Variants in PITRM1 observed in about 807,000 individuals in gnomAD.
PITRM1 encodes pitrilysin metallopeptidase 1, also known as presequence protease, mitochondrial.
In PITRM1, 100 loss-of-function variants were observed where a neutral mutation model predicts 129.9. The ratio of observed to expected loss-of-function variants is 0.77; its 90% CI spans 0.65 to 0.91. The LOEUF (loss-of-function observed/expected upper bound fraction) is 0.91, where lower values mean the gene tolerates loss of function less well. PITRM1 is among the 40% of genes least tolerant of loss of function. The pLI is 0.00. For missense variants in PITRM1, 1,471 were observed against 1,318.3 expected, an observed-to-expected ratio of 1.12 and a Z score of -1.79; for synonymous variants, 591 against 508.8, an observed-to-expected ratio of 1.16 and a Z score of -2.17.
intron 10 of PITRM1, among the ~76,000 whole-genome samples, chr10:3,158,429 A>G (rs9423706): frequency 0.11 from 17,200 of 152,236 alleles, 1,062 homozygotes; most frequent in Middle Eastern, 0.15. Context: ...AAATTCCTGT[A>G]GTCCCAGCTA....
intron 9 of PITRM1, among the ~76,000 whole-genome samples, chr10:3,159,469 T>A (rs1350166421): frequency 6.6e-6 from 1 of 152,228 alleles, no homozygotes; most frequent in African/African-American, 2.4e-5. Context: ...CCACCGGAAT[T>A]ACAAAGTTTT....
In PITRM1 at chr10:3,147,750, G is replaced by A. The variant is rs1420822672; in HGVS notation, c.2070-13C>T. Reference sequence around the variant, plus strand: ...TTCAAAGCACGGGCTATGGAAAAAGGAGAAGAAAAAATTCCTGGAGACCCA... The same window carrying A: ...TTCAAAGCACGGGCTATGGAAAAAGAAGAAGAAAAAATTCCTGGAGACCCA... On this transcript the variant is annotated splice_polypyrimidine_tract_variant and intron_variant, in intron 18 of 26. Transcript: ENST00000224949. 1.3e-6 allele frequency: 2 copies of A among 1,561,128 alleles called. No homozygotes were observed. Among genetic ancestry groups the A allele is most frequent in the Admixed American group, 2.1e-5 (1 of 48,092 alleles).
Position 3,149,713 on chromosome 10 carries a change from A to G in PITRM1, c.1779T>C (p.Asn593=), listed in dbSNP as rs1400860338. 6.2e-7 allele frequency: 1 copy of G among 1,612,190 alleles called. No individual in the cohort carries two copies. The highest frequency in any genetic ancestry group is 1.1e-5 in the South Asian group (1 of 90,542). ...IPVQYCAQPT[N]GMVYFRAFSS... ...AGAAGGCCCGGAAATACACCATGCC[A>G]TTGGTGGGCTGGGCGCAGTACTGAA... The change falls in exon 16 of 27, where the codon AAT becomes AAC. Residue 593 remains asparagine (N), a synonymous_variant. Transcript: ENST00000224949.
chr10:3,158,121 C>G lies in PITRM1; in HGVS notation c.1169G>C (p.Ser390Thr). 6.2e-7 allele frequency: 1 copy of G among 1,607,520 alleles called. No individual in the cohort carries two copies. Among genetic ancestry groups the G allele is most frequent in the Non-Finnish European group, 8.5e-7 (1 of 1,175,172 alleles). ...CTCCGCAATCCCTTGGAGGCCGACA[C>G]TAAAGTAGGCCTCCCTCGTGTAGCC... The part of the protein sequence containing the change: ...YNGYTREAYF[S>T]VGLQGIAEKD... Residue 390 changes from serine (S) to threonine (T), a missense_variant, in exon 11 of 27, where the codon AGT becomes ACT. Coordinates refer to ENST00000224949, the MANE Select transcript of PITRM1 (RefSeq NM_014889.4).
Position 3,155,695 on chromosome 10 carries a change from G to A in PITRM1, c.1517C>T (p.Pro506Leu). 6.2e-7 allele frequency: 1 copy of A among 1,613,846 alleles called. No individual in the cohort carries two copies. Residue 506 changes from proline (P) to leucine (L), a missense_variant, in exon 14 of 27, where the codon CCA (proline) becomes CTA (leucine). Transcript: ENST00000224949. The part of the protein sequence containing the change: ...NQHKLTLSMR[P>L]DDKYHEKQAQ... ...CTGCTTCTCGTGATACTTGTCATCT[G>A]GCCTCATCGATAAAGTCAGCTTATG...
intron 25 of PITRM1, 85 bp from the exon 26 acceptor site, chr10:3,138,422 AG>A: frequency 1.2e-6 from 1 of 867,418 alleles, no homozygotes; most frequent in Non-Finnish European, 1.9e-6. Context: ...GAGGGGACAC[AG>A]GCATCTCACT....
intron 22 of PITRM1, chr10:3,144,082 G>A: frequency 1.7e-6 from 1 of 594,388 alleles, no homozygotes; most frequent in Non-Finnish European, 3.0e-6. Context: ...GGCACAGGAG[G>A]ACACACCCCC....
At chr10:3,157,357 T>C (rs1842058639) in intron 12 of PITRM1, 78 bp downstream of exon 12, 1 of 833,120 alleles carries the variant, frequency 1.2e-6, no homozygotes, top group African/African-American at 1.7e-5. Context: ...CATAAAAATA[T>C]CAAAAAGCCA....
intron 6 of PITRM1, chr10:3,164,143 A>G: frequency 4.5e-6 from 1 of 222,626 alleles, no homozygotes; most frequent in Non-Finnish European, 8.8e-6. Flanking sequence ...GTGGTGCAAC[A>G]AACGCATAGC....
chr10:3,160,686 C>T (rs1433158509), intron 7 of PITRM1, among the ~76,000 whole-genome samples: 2 of 152,132 alleles, frequency 1.3e-5, no homozygotes, highest in Non-Finnish European at 2.9e-5. Context: ...TCACTGCAGC[C>T]TCAAGCAATC....
At position 3,137,871 on chromosome 10, in the gene PITRM1, ACT is replaced by A; in HGVS notation, c.*158_*159del. 1 of 592,420 alleles carries A rather than the reference ACT, an allele frequency of 1.7e-6. No homozygotes were observed. Among genetic ancestry groups the A allele is most frequent in the Non-Finnish European group, 3.0e-6 (1 of 332,290 alleles). The allele number at this position is 592,420 out of a possible 1,614,324, so 36.7% of individuals were successfully genotyped here. ...TATTTCAATGAACCTCTTCCTGGTC[ACT>A]CTTAAGATAGATCTGAGTTTTTGAC... On this transcript the variant is annotated 3_prime_UTR_variant, in exon 27 of 27. Coordinates refer to ENST00000224949, the MANE Select transcript of PITRM1 (RefSeq NM_014889.4).
intron 23 of PITRM1, among the ~76,000 whole-genome samples, chr10:3,142,675 T>A (rs2131821732): frequency 6.6e-6 from 1 of 152,310 alleles, no homozygotes; most frequent in South Asian, 2.1e-4. Context: ...CACGCCACTT[T>A]GGGAACAGGC....
intron 14 of PITRM1, 66 bp downstream of exon 14, chr10:3,155,524 TC>T: frequency 6.3e-7 from 1 of 1,589,398 alleles, no homozygotes; most frequent in South Asian, 1.1e-5. Flanking sequence ...AACTACTAAC[TC>T]ACTAACAAGT....
At chr10:3,150,959 G>A (rs1173626256) in intron 15 of PITRM1, among the ~76,000 whole-genome samples, 2 of 151,962 alleles carry the variant, frequency 1.3e-5, no homozygotes, top group Non-Finnish European at 2.9e-5. Flanking sequence ...CAGTCACAGC[G>A]TAACCCAAAT....
Position 3,147,732 on chromosome 10 carries a change from C to T in PITRM1, c.2075G>A (p.Cys692Tyr), listed in dbSNP as rs554941574. The change falls in exon 19 of 27, where the codon TGC becomes TAC. Residue 692 changes from cysteine (C) to tyrosine (Y), a missense_variant. By Grantham distance (194) the Cys-to-Tyr change is radical (BLOSUM62 -2). Coordinates refer to ENST00000224949, the MANE Select transcript of PITRM1 (RefSeq NM_014889.4). Reference protein sequence around the residue: ...QLWSEIFNNPCFEEEEHFKVL... With the variant: ...QLWSEIFNNPYFEEEEHFKVL... The stretch of plus-strand genomic sequence containing the variant: ...CTTGAAGTGCTCCTCTTCTTCAAAG[C>T]ACGGGCTATGGAAAAAGGAGAAGAA... 100 of 1,587,380 alleles carry T rather than the reference C, an allele frequency of 6.3e-5. 1 individual carries two copies. Among genetic ancestry groups the T allele is most frequent in the Non-Finnish European group, 8.1e-5 (95 of 1,169,720 alleles).
intron 24 of PITRM1, 43 bp downstream of exon 24, chr10:3,140,644 A>T: frequency 6.4e-7 from 1 of 1,554,108 alleles, no homozygotes; most frequent in Non-Finnish European, 8.8e-7. Context: ...AGAAGACTAA[A>T]ACGACGTGTG....
chr10:3,145,939 T>C (rs1840817263), intron 20 of PITRM1: 1 of 532,176 alleles, frequency 1.9e-6, no homozygotes, highest in South Asian at 2.1e-5. Context: ...AATGAAGCCG[T>C]CCATACGCGG....
In PITRM1 at chr10:3,151,324, G is replaced by C. The variant is rs12248937; in HGVS notation, c.1661C>G (p.Ala554Gly). 3 of 1,611,012 alleles carry C rather than the reference G, an allele frequency of 1.9e-6. No individual in the cohort carries two copies. In the South Asian group the frequency reaches 3.3e-5, roughly 18 times the overall value. Residue 554 changes from alanine to glycine, a missense_variant, in exon 15 of 27, where the codon GCC becomes GGC. Transcript: ENST00000224949. ...AACTTTCAACGCTGGCAGACAAGAG[G>C]CATCTTGAGGTTTGCTTTGTTGACT... ...LRSQQSKPQD[A>G]SCLPALKVSD... is the part of the protein sequence containing the mutation.
intron 7 of PITRM1, 69 bp downstream of exon 7, chr10:3,163,656 A>T (rs1358194902): frequency 7.8e-7 from 1 of 1,282,716 alleles, no homozygotes; most frequent in African/African-American, 1.5e-5. Context: ...GCCATGCCAT[A>T]AACTGTTAAG....
Sources: allele counts gnomAD v4.1 joint callset (sites outside exome capture counted in the v4.1 genomes callset), GRCh38; gene constraint gnomAD v4.1.1; transcripts MANE v1.5; gene names NCBI Gene and HGNC (gene_info 2026-07-23, HGNC 2026-07-21).